NRG2: variants seen among roughly 807,000 people sequenced by gnomAD.
NRG2 encodes pro-neuregulin-2, membrane-bound isoform.
In NRG2, 27 loss-of-function variants were observed where a neutral mutation model predicts 73.9. The ratio of observed to expected loss-of-function variants is 0.37; its 90% confidence interval spans 0.27 to 0.50. The LOEUF (loss-of-function observed/expected upper bound fraction) is 0.50. Ranked by LOEUF, NRG2 falls within the 20% of genes least tolerant of loss-of-function variation. The pLI is 0.96. For missense variants in NRG2, 1,126 were observed against 1,210.1 expected, an observed-to-expected ratio of 0.93 and a Z score of 1.03; for synonymous variants, 532 against 541.0, an observed-to-expected ratio of 0.98 and a Z score of 0.23.
chr5:139,968,916 G>A (rs1478306831), intron 1 of NRG2, among the ~76,000 whole-genome samples: 1 of 152,234 alleles, frequency 6.6e-6, no homozygotes, highest in Non-Finnish European at 1.5e-5. Context: ...GAGCTGAGAC[G>A]CAGCCTGCCC....
At chr5:139,872,036 C>T (rs1395985262) in intron 3 of NRG2, among the ~76,000 whole-genome samples, 195 bp from the exon 4 acceptor site, 1 of 152,198 alleles carries the variant, frequency 6.6e-6, no homozygotes, top group Non-Finnish European at 1.5e-5. Flanking sequence ...TGCCCGTTTA[C>T]CCAGTGCAAC....
At chr5:139,918,816 G>C (rs1751455856) in intron 1 of NRG2, among the ~76,000 whole-genome samples, 1 of 152,140 alleles carries the variant, frequency 6.6e-6, no homozygotes, top group Admixed American at 6.5e-5. Context: ...TGGCAAGCAA[G>C]ACTGCTAGAG....
chr5:139,903,966 C>T (rs566198958), intron 1 of NRG2, among the ~76,000 whole-genome samples: 1 of 152,358 alleles, frequency 6.6e-6, no homozygotes, highest in South Asian at 2.1e-4. Context: ...GTCTGATCAG[C>T]CGCCGCCTTT....
At chr5:139,886,429 G>A (rs536326704) in intron 2 of NRG2, among the ~76,000 whole-genome samples, 4 of 152,298 alleles carry the variant, frequency 2.6e-5, no homozygotes. Flanking sequence ...TTTGCATTTT[G>A]TGTGTGTGGT....
intron 1 of NRG2, among the ~76,000 whole-genome samples, chr5:139,989,875 G>A (rs1444614480): frequency 6.6e-5 from 10 of 150,722 alleles, no homozygotes; most frequent in Admixed American, 3.3e-4. Flanking sequence ...TGCAAGCTCC[G>A]CCTCCTGGGT....
chr5:139,856,486 G>A lies in NRG2; in HGVS notation c.1190-708C>T, dbSNP rs1056051179. The A allele has an allele frequency of 6.6e-6, 1 of 152,414 alleles. No individual in the cohort carries two copies. Among genetic ancestry groups the A allele is most frequent in the Admixed American group, 6.5e-5 (1 of 15,298 alleles). The allele number at this position is 152,414 out of a possible 1,614,324, so 9.4% of individuals were successfully genotyped here. A position where few individuals can be genotyped will look rare whatever the true frequency, so the allele number is the denominator to read the frequency against. On this transcript the variant is annotated intron_variant, in intron 5 of 9. Transcript: ENST00000361474. This position sits in a 1 kb window ranked among gnomAD's most constrained non-coding sequence, Gnocchi z 4.2. ...GCAACCCCCATCCTTCTAAAACAGA[G>A]AAAGCCAGGAGGAAGAAAAAGTAAA...
chr5:139,848,285 C>G lies in NRG2; in HGVS notation c.2185G>C (p.Ala729Pro), dbSNP rs984019320. 1.8e-6 allele frequency: 2 copies of G among 1,121,450 alleles called. No individual in the cohort carries two copies. The highest frequency in any genetic ancestry group is 2.2e-6 in the Non-Finnish European group (2 of 919,134). The allele number at this position is 1,121,450 out of a possible 1,614,324, so 69.5% of individuals were successfully genotyped here. Reference sequence around the variant, plus strand: ...GACGTCCTGCGGGACGCACCGCGCGCGCGCGGCCGCGGCGGCGGCGGGGGC... The same window carrying G: ...GACGTCCTGCGGGACGCACCGCGCGGGCGCGGCCGCGGCGGCGGCGGGGGC... The part of the protein sequence containing the change: ...CAPPPPPRPR[A>P]RGASRRTSAG... The change falls in exon 10 of 10, where the codon GCG becomes CCG. Residue 729 changes from alanine to proline, a missense_variant. Physicochemically the swap from Ala to Pro is conservative, Grantham distance 27. This residue lies in a region of NRG2 where 402 missense variants were observed against 357.8 expected (regional missense o/e 1.12). Transcript: ENST00000361474.
chr5:139,998,827 G>A (rs1440678991), intron 1 of NRG2, among the ~76,000 whole-genome samples: 2 of 152,164 alleles, frequency 1.3e-5, no homozygotes, highest in Admixed American at 6.5e-5. Flanking sequence ...ATAGGAATAG[G>A]GGAAGATAGG....
chr5:140,022,843 A>G (rs1383649197), intron 1 of NRG2, among the ~76,000 whole-genome samples: 5 of 152,204 alleles, frequency 3.3e-5, no homozygotes, highest in Non-Finnish European at 7.3e-5. Flanking sequence ...TTTCCTTCTT[A>G]AAATTGCTTT....
intron 1 of NRG2, among the ~76,000 whole-genome samples, chr5:139,946,122 A>G (rs1335269710): frequency 6.6e-6 from 1 of 152,106 alleles, no homozygotes; most frequent in Non-Finnish European, 1.5e-5. Flanking sequence ...CTGATCTTAA[A>G]ATTCAAGCTG....
intron 1 of NRG2, among the ~76,000 whole-genome samples, chr5:140,006,415 C>T (rs966426849): frequency 2.0e-5 from 3 of 152,178 alleles, no homozygotes; most frequent in Non-Finnish European, 4.4e-5. Context: ...TAAAAATGTT[C>T]TTATCCTTTC....
intron 1 of NRG2, among the ~76,000 whole-genome samples, chr5:139,923,302 T>C (rs1751816902): frequency 6.6e-6 from 1 of 152,118 alleles, no homozygotes; most frequent in Non-Finnish European, 1.5e-5. Flanking sequence ...CAATTGACAA[T>C]TATGAAGCAG....
chr5:139,851,981 C>T lies in NRG2; in HGVS notation c.1545-150G>A. ...CACTCTGGGGTGATGTGTATTGTTG[C>T]AAATGCCCAACCCCAATATTGGAAG... On this transcript the variant is annotated intron_variant, in intron 8 of 9. Transcript: ENST00000361474. The surrounding 1 kb of genome is among the most constrained non-coding windows in gnomAD (Gnocchi z 4.2). 6 of 675,456 alleles carry T rather than the reference C, an allele frequency of 8.9e-6. No homozygotes were observed. Among genetic ancestry groups the T allele is most frequent in the Non-Finnish European group, 1.5e-5 (6 of 397,472 alleles). 41.8% of individuals were successfully genotyped at this position (675,456 alleles called of 1,614,324 possible).
chr5:139,939,049 A>AAAGG (rs1561694362), intron 1 of NRG2, among the ~76,000 whole-genome samples: 3 of 151,238 alleles, frequency 2.0e-5, no homozygotes, highest in Middle Eastern at 6.8e-3. Flanking sequence ...GAAGGAAGGG[A>AAAGG]AAGGAAGGAA....
At chr5:139,890,576 C>A (rs1441649375) in intron 1 of NRG2, among the ~76,000 whole-genome samples, 1 of 149,634 alleles carries the variant, frequency 6.7e-6, no homozygotes, top group Non-Finnish European at 1.5e-5. Flanking sequence ...TGAAATCCTG[C>A]TTTATCTTCC....
At chr5:139,921,890 C>A (rs1751693501) in intron 1 of NRG2, among the ~76,000 whole-genome samples, 1 of 151,594 alleles carries the variant, frequency 6.6e-6, no homozygotes, top group African/African-American at 2.4e-5. Flanking sequence ...AGCGAAACAC[C>A]AAAACACTCT....
In NRG2 at chr5:139,853,958, G is replaced by A. The variant is rs1291506596; in HGVS notation, c.1293-931C>T. Among the ~76,000 whole-genome samples, 2 of 152,204 alleles carry A rather than the reference G, an allele frequency of 1.3e-5. No homozygotes were observed. Among genetic ancestry groups the A allele is most frequent in the Non-Finnish European group, 2.9e-5 (2 of 68,042 alleles). On this transcript the variant is annotated intron_variant, in intron 6 of 9. Transcript: ENST00000361474. This position sits in a 1 kb window ranked among gnomAD's most constrained non-coding sequence, Gnocchi z 4.1. ...AAGGTCCACGAGGACCCATCAGTTTGCTCAAGGTCACAAAGGATAAATGCC... is the reference window on the plus strand; with the variant it reads ...AAGGTCCACGAGGACCCATCAGTTTACTCAAGGTCACAAAGGATAAATGCC...
chr5:139,961,228 T>G (rs1424286722), intron 1 of NRG2, among the ~76,000 whole-genome samples: 1 of 152,194 alleles, frequency 6.6e-6, no homozygotes, highest in Non-Finnish European at 1.5e-5. Context: ...CCCCAGCCGG[T>G]GCCCTTGCCT....
At chr5:139,965,418 A>T (rs1180692710) in intron 1 of NRG2, among the ~76,000 whole-genome samples, 1 of 152,242 alleles carries the variant, frequency 6.6e-6, no homozygotes, top group East Asian at 1.9e-4. Flanking sequence ...GCTTGAGGCA[A>T]GGCATTCCCC....
Sources: gnomAD v4.1 joint callset for allele counts (sites outside exome capture counted in the v4.1 genomes callset) on GRCh38, gnomAD v4.1.1 for gene constraint, gnomAD v4.1.1 regional missense constraint, Gnocchi (gnomAD v3.1) non-coding constraint, MANE v1.5 for transcripts, NCBI Gene and HGNC (gene_info 2026-07-23, HGNC 2026-07-21) for gene names.